The following LMX1B variants were observed in gnomAD, a reference collection of about 807,000 sequenced individuals.
LMX1B encodes the protein LIM homeobox transcription factor 1-beta.
LMX1B carries 12 observed loss-of-function variants against 51.4 expected under a neutral mutation model. That is an observed-to-expected ratio of 0.23 (90% CI 0.15 to 0.38). LMX1B has a LOEUF of 0.38. Ranked by LOEUF, LMX1B falls within the 10% of genes least tolerant of loss-of-function variation. The probability of loss-of-function intolerance (pLI) is 1.00; values close to 1 mark genes in which losing one functional copy is unlikely to be tolerated. For synonymous variants in LMX1B, 237 were observed against 235.4 expected, an observed-to-expected ratio of 1.01 and a Z score of -0.06; for missense variants, 445 against 571.1, an observed-to-expected ratio of 0.78 and a Z score of 2.25.
intron 2 of LMX1B, among the ~76,000 whole-genome samples, chr9:126,670,513 G>C (rs146347745): frequency 1.3e-5 from 2 of 152,360 alleles, no homozygotes; most frequent in African/African-American, 4.8e-5. Flanking sequence ...GTAAACAGCA[G>C]GGTTGGGCAG....
intron 2 of LMX1B, among the ~76,000 whole-genome samples, chr9:126,669,709 T>A (rs1836415441): frequency 6.6e-6 from 1 of 152,134 alleles, no homozygotes; most frequent in South Asian, 2.1e-4. Flanking sequence ...TAGGTGCCAT[T>A]CTGGTCACCT....
chr9:126,665,508 G>A (rs1000045670), intron 2 of LMX1B, among the ~76,000 whole-genome samples: 1 of 152,244 alleles, frequency 6.6e-6, no homozygotes, highest in African/African-American at 2.4e-5. Context: ...ACCGGCCAGC[G>A]GGGCTGCTCT....
At chr9:126,644,673 GA>G (rs934284694) in intron 2 of LMX1B, among the ~76,000 whole-genome samples, 7 of 151,844 alleles carry the variant, frequency 4.6e-5, no homozygotes, top group African/African-American at 1.7e-4. Flanking sequence ...TGGCTCAGCC[GA>G]GTGAGAACTC....
intron 2 of LMX1B, among the ~76,000 whole-genome samples, chr9:126,637,365 C>G (rs1444757292): frequency 6.6e-6 from 1 of 152,094 alleles, no homozygotes; most frequent in Admixed American, 6.5e-5. Context: ...ACGTCACCCT[C>G]TGTGCCTGTG....
intron 2 of LMX1B, among the ~76,000 whole-genome samples, chr9:126,622,633 G>T (rs934265026): frequency 6.6e-6 from 1 of 152,248 alleles, no homozygotes; most frequent in Non-Finnish European, 1.5e-5. Flanking sequence ...AGGGGACTCT[G>T]TGACTCTTGT....
chr9:126,696,735 T>C lies in LMX1B; in HGVS notation c.*284T>C. Reference sequence around the variant, plus strand: ...CTCGCCTCCCAGCCCCACCTCGGCCTCCATCGCCTCCTCCCCATCTCTTTT... The same window carrying C: ...CTCGCCTCCCAGCCCCACCTCGGCCCCCATCGCCTCCTCCCCATCTCTTTT... On this transcript the variant is annotated 3_prime_UTR_variant, in exon 8 of 8. Transcript: ENST00000373474. 1.9e-6 allele frequency: 1 copy of C among 534,308 alleles called. No individual in the cohort carries two copies. The highest frequency in any genetic ancestry group is 3.4e-6 in the Non-Finnish European group (1 of 297,444). The allele number at this position is 534,308 out of a possible 1,614,324, so 33.1% of individuals were successfully genotyped here. A position where few individuals can be genotyped will look rare whatever the true frequency, so the allele number is the denominator to read the frequency against.
At chr9:126,675,893 C>G (rs1018660092) in intron 2 of LMX1B, among the ~76,000 whole-genome samples, 3 of 149,348 alleles carry the variant, frequency 2.0e-5, no homozygotes, top group African/African-American at 7.4e-5. Flanking sequence ...ACTAAAAATA[C>G]AAAAAATTAG....
At chr9:126,620,690 G>A (rs1038941782) in intron 2 of LMX1B, among the ~76,000 whole-genome samples, 20 of 151,952 alleles carry the variant, frequency 1.3e-4, no homozygotes, top group Non-Finnish European at 2.6e-4. Context: ...GGGGGCAGAC[G>A]GAGGGTGGCC....
chr9:126,627,855 C>T (rs1156619723), intron 2 of LMX1B, among the ~76,000 whole-genome samples: 1 of 152,164 alleles, frequency 6.6e-6, no homozygotes. Flanking sequence ...CGCTACCAGG[C>T]TTGGGGGCTG....
At chr9:126,634,171 C>A (rs1208675961) in intron 2 of LMX1B, among the ~76,000 whole-genome samples, 1 of 152,154 alleles carries the variant, frequency 6.6e-6, no homozygotes, top group African/African-American at 2.4e-5. Flanking sequence ...GCCTGGCCTG[C>A]CTGGGATAAG....
intron 2 of LMX1B, among the ~76,000 whole-genome samples, chr9:126,644,388 C>T (rs1835862443): frequency 6.6e-6 from 1 of 152,148 alleles, no homozygotes; most frequent in African/African-American, 2.4e-5. Context: ...ATGGTGGAGT[C>T]AGGCTCAGAA....
chr9:126,675,649 C>T (rs76689544), intron 2 of LMX1B, among the ~76,000 whole-genome samples: 18 of 150,830 alleles, frequency 1.2e-4, no homozygotes, highest in African/African-American at 1.2e-4. Context: ...TGCTTGAACC[C>T]GGGAGGCAGA....
chr9:126,669,349 G>A (rs917496640), intron 2 of LMX1B, among the ~76,000 whole-genome samples: 28 of 152,146 alleles, frequency 1.8e-4, no homozygotes, highest in African/African-American at 6.3e-4. Context: ...CCCTGGCCTC[G>A]CCACTAACCA....
At chr9:126,678,183 G>A (rs537097547) in intron 2 of LMX1B, among the ~76,000 whole-genome samples, 2 of 152,042 alleles carry the variant, frequency 1.3e-5, no homozygotes, top group Admixed American at 6.6e-5. Flanking sequence ...GGTGGCCCGC[G>A]CCTGTAATCC....
Position 126,614,462 on chromosome 9 carries a change from A to G in LMX1B, c.13A>G (p.Thr5Ala). 2 of 1,567,752 alleles carry G rather than the reference A, an allele frequency of 1.3e-6. No homozygotes were observed. Among genetic ancestry groups the G allele is most frequent in the South Asian group, 1.2e-5 (1 of 85,222 alleles). Reference sequence around the variant, plus strand: ...CGCCCCGCGTCCCATGGATATAGCAACAGGTCCCGAGTCGCTGGAGAGGTG... The same window carrying G: ...CGCCCCGCGTCCCATGGATATAGCAGCAGGTCCCGAGTCGCTGGAGAGGTG... Reference protein sequence around the residue: MDIATGPESLERCFP... With the variant: MDIAAGPESLERCFP... The change falls in exon 1 of 8, where the codon ACA (threonine) becomes GCA (alanine). Residue 5 changes from threonine to alanine, a missense_variant. Coordinates refer to ENST00000373474, the MANE Select transcript of LMX1B (RefSeq NM_001174147.2).
Position 126,698,402 on chromosome 9 carries a change from T to G in LMX1B, c.*1951T>G, listed in dbSNP as rs2030421077. 1 of 152,330 alleles carries G rather than the reference T, an allele frequency of 6.6e-6. No individual in the cohort carries two copies. Among genetic ancestry groups the G allele is most frequent in the African/African-American group, 2.4e-5 (1 of 41,458 alleles). The allele number at this position is 152,330 out of a possible 1,614,324, so 9.4% of individuals were successfully genotyped here. A position where few individuals can be genotyped will look rare whatever the true frequency, so the allele number is the denominator to read the frequency against. ...TTGACATTGGCCCATTAATGCATCC[T>G]CTTTGGGGGACACATTCCAATTGCA... On this transcript the variant is annotated 3_prime_UTR_variant, in exon 8 of 8. Transcript: ENST00000373474.
chr9:126,670,104 A>G (rs967048841), intron 2 of LMX1B, among the ~76,000 whole-genome samples: 2 of 152,178 alleles, frequency 1.3e-5, no homozygotes, highest in East Asian at 3.9e-4. Flanking sequence ...CCAGTTCCCA[A>G]GAGAGTCCCG....
At chr9:126,631,250 C>T (rs1473602176) in intron 2 of LMX1B, among the ~76,000 whole-genome samples, 4 of 152,250 alleles carry the variant, frequency 2.6e-5, no homozygotes, top group African/African-American at 9.6e-5. Flanking sequence ...AGAGAAACAT[C>T]TGCCTGAACG....
rs542065161 is a variant in LMX1B, at chr9:126,659,143, G to A, written c.327-31693G>A. Among the ~76,000 whole-genome samples, 40 of 152,368 alleles carry A rather than the reference G, an allele frequency of 2.6e-4. No homozygotes were observed. The East Asian group carries it at 5.8e-3, about 22-fold the overall frequency. ...AGCCAGGGCCTTTTGTCTAGCCCCA[G>A]AAGGGCCCTGTCACAGGCCTGAATG... On this transcript the variant is annotated intron_variant, in intron 2 of 7. Coordinates refer to ENST00000373474, the MANE Select transcript of LMX1B (RefSeq NM_001174147.2).
Sources: gnomAD v4.1 joint callset for allele counts (sites outside exome capture counted in the v4.1 genomes callset) on GRCh38, gnomAD v4.1.1 for gene constraint, MANE v1.5 for transcripts, NCBI Gene and HGNC (gene_info 2026-07-23, HGNC 2026-07-21) for gene names.